KCNH7: variants seen among roughly 807,000 people sequenced by gnomAD.
KCNH7 encodes the protein potassium voltage-gated channel subfamily H member 7.
Under a neutral mutation model 120.8 loss-of-function variants are expected in KCNH7, and 49 were observed. The ratio of observed to expected loss-of-function variants is 0.41; its 90% CI spans 0.32 to 0.51. The LOEUF is 0.51. KCNH7 is among the 20% of genes least tolerant of loss of function. The pLI, the probability that KCNH7 is intolerant of heterozygous loss-of-function variation, is 0.38. For synonymous variants in KCNH7, 547 were observed against 516.1 expected (o/e 1.06, Z -0.81); for missense variants, 1,097 against 1,446.6 (o/e 0.76, Z 3.92).
chr2:162,509,521 A>T (rs542121229), intron 5 of KCNH7, among the ~76,000 whole-genome samples: 1 of 151,788 alleles, frequency 6.6e-6, no homozygotes, highest in South Asian at 2.1e-4. Context: ...TAATAATTAA[A>T]CTTTGTAAAA....
intron 11 of KCNH7, among the ~76,000 whole-genome samples, 184 bp downstream of exon 11, chr2:162,396,556 A>G (rs938185675): frequency 4.6e-5 from 7 of 151,880 alleles, no homozygotes; most frequent in Admixed American, 3.3e-4. Flanking sequence ...TTGGAAAGCA[A>G]TTAGGCTAAA....
intron 2 of KCNH7, among the ~76,000 whole-genome samples, chr2:162,594,397 T>C (rs1211363710): frequency 1.3e-5 from 2 of 152,014 alleles, no homozygotes; most frequent in African/African-American, 4.8e-5. Flanking sequence ...AAAGAGATTA[T>C]AGCTAACCTA....
chr2:162,810,169 C>T lies in KCNH7; in HGVS notation c.307+26368G>A, dbSNP rs1342901569. Among the ~76,000 whole-genome samples, 3 of 20,310 alleles carry T rather than the reference C, an allele frequency of 1.5e-4. 1 individual carries two copies. The highest frequency in any genetic ancestry group is 4.2e-4 in the Non-Finnish European group (3 of 7,060). The allele number at this position is 20,310 out of a possible 152,430, so 13.3% of individuals were successfully genotyped here. A position where few individuals can be genotyped will look rare whatever the true frequency, so the allele number is the denominator to read the frequency against. ...TGACCTCGTGATCCGCCCGCCTCGG[C>T]CTCCCAAAGTGCTGGGATTACAGGC... On this transcript the variant is annotated intron_variant, in intron 2 of 15. Transcript: ENST00000332142.
chr2:162,546,941 G>T (rs769859905), intron 2 of KCNH7, among the ~76,000 whole-genome samples: 1 of 152,114 alleles, frequency 6.6e-6, no homozygotes, highest in Non-Finnish European at 1.5e-5. Flanking sequence ...AAGGTTTTGT[G>T]AGGGAAGCTG....
At chr2:162,644,899 C>T (rs1684296511) in intron 2 of KCNH7, among the ~76,000 whole-genome samples, 1 of 152,146 alleles carries the variant, frequency 6.6e-6, no homozygotes, top group Admixed American at 6.5e-5. Flanking sequence ...GCCTATTTAA[C>T]CAGGGTTATT....
chr2:162,807,778 G>A lies in KCNH7; in HGVS notation c.307+28759C>T, dbSNP rs1684602345. Among the ~76,000 whole-genome samples the A allele has an allele frequency of 2.0e-5, 3 of 152,002 alleles. No individual in the cohort carries two copies. The South Asian group carries it at 6.2e-4, about 31-fold the overall frequency. ...GCTCACTGCAACCTCCGCCTCCCAG[G>A]TTCAAGCGATTCTCCTGCCTCAGCC... On this transcript the variant is annotated intron_variant, in intron 2 of 15. Transcript: ENST00000332142.
intron 2 of KCNH7, among the ~76,000 whole-genome samples, chr2:162,756,256 G>A (rs1688786163): frequency 1.3e-5 from 2 of 152,098 alleles, no homozygotes; most frequent in Admixed American, 6.6e-5. Context: ...ACAACCAAAA[G>A]AGGTTGAATG....
intron 2 of KCNH7, among the ~76,000 whole-genome samples, chr2:162,626,055 C>T (rs147893521): frequency 6.6e-6 from 1 of 152,128 alleles, no homozygotes; most frequent in African/African-American, 2.4e-5. Flanking sequence ...TACTATAGAT[C>T]GTGGAGTACT....
Position 162,836,595 on chromosome 2 carries a change from G to C in KCNH7, c.249C>G (p.Ala83=). 6.2e-7 allele frequency: 1 copy of C among 1,614,046 alleles called. No homozygotes were observed. Among genetic ancestry groups the C allele is most frequent in the Non-Finnish European group, 8.5e-7 (1 of 1,180,034 alleles). ...TCTCTTCTGACCCCAGCAATGCCTG[G>C]GCAATTTGGGCAATATCATGCCTCT... ...ETKRHDIAQI[A]QALLGSEERK... The change falls in exon 2 of 16, where the codon GCC becomes GCG. Residue 83 remains alanine (A), a synonymous_variant. Coordinates refer to ENST00000332142, the MANE Select transcript of KCNH7 (RefSeq NM_033272.4).
chr2:162,780,831 G>T (rs182015307), intron 2 of KCNH7, among the ~76,000 whole-genome samples: 26 of 152,126 alleles, frequency 1.7e-4, no homozygotes, highest in African/African-American at 6.0e-4. Flanking sequence ...TACTCAATTC[G>T]AAAAGTATAC....
intron 2 of KCNH7, among the ~76,000 whole-genome samples, chr2:162,646,887 T>G (rs1170745760): frequency 6.6e-6 from 1 of 152,192 alleles, no homozygotes; most frequent in East Asian, 1.9e-4. Flanking sequence ...CCTTGTGAAC[T>G]TTGAGCAAAA....
chr2:162,689,846 C>G (rs1243285600), intron 2 of KCNH7, among the ~76,000 whole-genome samples: 2 of 152,142 alleles, frequency 1.3e-5, no homozygotes, highest in East Asian at 3.9e-4. Context: ...AACAGAAGTG[C>G]CATTCAATCT....
intron 2 of KCNH7, among the ~76,000 whole-genome samples, chr2:162,608,845 G>A (rs1335965315): frequency 6.6e-6 from 1 of 152,140 alleles, no homozygotes; most frequent in Non-Finnish European, 1.5e-5. Flanking sequence ...GTACATTACT[G>A]TATGGTTTTA....
At chr2:162,747,867 T>C (rs1688368318) in intron 2 of KCNH7, among the ~76,000 whole-genome samples, 1 of 152,178 alleles carries the variant, frequency 6.6e-6, no homozygotes, top group South Asian at 2.1e-4. Flanking sequence ...CTTTCTACAG[T>C]GGTCCAGAAG....
At chr2:162,539,291 T>G (rs964440250) in intron 2 of KCNH7, among the ~76,000 whole-genome samples, 2 of 152,132 alleles carry the variant, frequency 1.3e-5, no homozygotes, top group African/African-American at 4.8e-5. Context: ...AAATACATAT[T>G]GATTTTACCA....
intron 6 of KCNH7, among the ~76,000 whole-genome samples, chr2:162,471,491 C>T (rs1418498983): frequency 6.6e-6 from 1 of 152,044 alleles, no homozygotes; most frequent in African/African-American, 2.4e-5. Context: ...GTGAAGAGGT[C>T]TGTGTGGAGC....
intron 6 of KCNH7, among the ~76,000 whole-genome samples, chr2:162,501,543 A>C (rs918523919): frequency 3.9e-5 from 6 of 152,016 alleles, no homozygotes; most frequent in African/African-American, 1.2e-4. Flanking sequence ...ATACTCATCA[A>C]CTGGGTAGCT....
intron 2 of KCNH7, among the ~76,000 whole-genome samples, chr2:162,650,810 A>G (rs1350403338): frequency 6.6e-6 from 1 of 152,140 alleles, no homozygotes; most frequent in Non-Finnish European, 1.5e-5. Flanking sequence ...AATATCTGAT[A>G]CGTAGGAGGC....
At chr2:162,458,007 T>G (rs1689025531) in intron 6 of KCNH7, among the ~76,000 whole-genome samples, 1 of 152,144 alleles carries the variant, frequency 6.6e-6, no homozygotes, top group Non-Finnish European at 1.5e-5. Flanking sequence ...ATTTTTTAAT[T>G]GAATAAAATA....
Sources: gnomAD v4.1 joint callset for allele counts (sites outside exome capture counted in the v4.1 genomes callset) on GRCh38, gnomAD v4.1.1 for gene constraint, MANE v1.5 for transcripts, NCBI Gene and HGNC (gene_info 2026-07-23, HGNC 2026-07-21) for gene names.